The following ZC3H11A variants were observed in gnomAD, a reference collection of about 807,000 sequenced individuals.
ZC3H11A encodes zinc finger CCCH domain-containing protein 11A.
ZC3H11A carries 22 observed loss-of-function variants against 90.8 expected under a neutral mutation model. That is an observed-to-expected ratio of 0.24 (90% CI 0.17 to 0.35). The LOEUF (loss-of-function observed/expected upper bound fraction) is 0.35. Among genes scored for constraint, ZC3H11A ranks in the 10% least tolerant of loss-of-function variants. The pLI, the probability that ZC3H11A is intolerant of heterozygous loss-of-function variation, is 1.00. For synonymous variants in ZC3H11A, 294 were observed against 339.8 expected (o/e 0.87, Z 1.48); for missense variants, 701 against 964.9 (o/e 0.73, Z 3.62).
At position 203,805,487 on chromosome 1, in the gene ZC3H11A, A is replaced by C. The variant is rs1672013036; in HGVS notation, c.-146+2471A>C. ...CCCAAGCAATGAGTCTCAAAGGAAA[A>C]AAATAGAAGAGCAATGTAATTAAAC... On this transcript the variant is annotated intron_variant, in intron 2 of 17. Coordinates refer to ENST00000367210, the MANE Select transcript of ZC3H11A (RefSeq NM_001376342.1). The C allele has an allele frequency of 9.5e-6, 4 of 422,148 alleles. No homozygotes were observed. The Admixed American group carries it at 1.2e-4, about 13-fold the overall frequency. 26.2% of individuals were successfully genotyped at this position (422,148 alleles called of 1,614,324 possible).
chr1:203,800,200 G>A lies in ZC3H11A; in HGVS notation c.-1587-1375G>A, dbSNP rs760880041. ...TTAATTTACTGGCAGAGGAAGATAA[G>A]CATATGGCCGGCTTTGACCCAGGTT... On this transcript the variant is annotated intron_variant, in intron 1 of 17. Transcript: ENST00000367210. 16 of 1,505,502 alleles carry A rather than the reference G, an allele frequency of 1.1e-5. No individual in the cohort carries two copies. The highest frequency in any genetic ancestry group is 1.4e-5 in the Non-Finnish European group (16 of 1,119,134). 93.3% of individuals were successfully genotyped at this position (1,505,502 alleles called of 1,614,324 possible).
At chr1:203,815,219 T>TTCTTTTCTTTTC (rs575430164) in intron 2 of ZC3H11A, among the ~76,000 whole-genome samples, 3 of 129,618 alleles carry the variant, frequency 2.3e-5, no homozygotes, top group Non-Finnish European at 4.9e-5. Context: ...TTCTTTTCTT[T>TTCTTTTCTTTTC]TTTTTTTTTT....
At chr1:203,796,784 A>G (rs1040719906) in intron 1 of ZC3H11A, 20 of 237,440 alleles carry the variant, frequency 8.4e-5, no homozygotes, top group Non-Finnish European at 1.3e-4. Context: ...CTTAATACAA[A>G]CAGTACTTTG....
At chr1:203,843,702 A>G (rs554241669) in intron 12 of ZC3H11A, among the ~76,000 whole-genome samples, 1 of 152,316 alleles carries the variant, frequency 6.6e-6, no homozygotes, top group African/African-American at 2.4e-5. Flanking sequence ...TATGGGCTAT[A>G]TATAGTTTGC....
At position 203,852,050 on chromosome 1, in the gene ZC3H11A, A is replaced by G. The variant is rs1345612500; in HGVS notation, c.2175-91A>G. ...TTCTTTATGTATGTTCTTAAAAACA[A>G]ATTTTTGCTCACTTTGTGTCCGTGA... is the stretch of plus-strand genomic sequence containing the variant. On this transcript the variant is annotated intron_variant, in intron 17 of 17. Coordinates refer to ENST00000367210, the MANE Select transcript of ZC3H11A (RefSeq NM_001376342.1). 3 of 1,463,114 alleles carry G rather than the reference A, an allele frequency of 2.1e-6. No individual in the cohort carries two copies. In the African/African-American group the frequency reaches 4.3e-5, roughly 21 times the overall value. 90.6% of individuals were successfully genotyped at this position (1,463,114 alleles called of 1,614,324 possible).
chr1:203,848,416 A>G lies in ZC3H11A; in HGVS notation c.1623+9A>G, dbSNP rs1481465481. 1 of 1,600,576 alleles carries G rather than the reference A, an allele frequency of 6.2e-7. No individual in the cohort carries two copies. The highest frequency in any genetic ancestry group is 1.7e-5 in the Admixed American group (1 of 57,546). ...GAACAGAAGCTAAAGAGGTAAATTT[A>G]AGATTATTGTATGGTTTTGTTCATG... On this transcript the variant is annotated intron_variant, in intron 14 of 17. Coordinates refer to ENST00000367210, the MANE Select transcript of ZC3H11A (RefSeq NM_001376342.1).
chr1:203,818,207 C>A (rs1677015865), intron 3 of ZC3H11A, among the ~76,000 whole-genome samples: 1 of 151,702 alleles, frequency 6.6e-6, no homozygotes, highest in South Asian at 2.1e-4. Context: ...TATTTAAATT[C>A]TATTTACTTT....
intron 4 of ZC3H11A, among the ~76,000 whole-genome samples, chr1:203,826,445 T>G (rs984232585): frequency 9.2e-5 from 14 of 152,006 alleles, no homozygotes; most frequent in Non-Finnish European, 2.1e-4. Context: ...TGACATAAAC[T>G]TAGAACATAG....
At chr1:203,830,050 C>T (rs1393484146) in intron 7 of ZC3H11A, 73 bp from the exon 8 acceptor site, 7 of 1,354,978 alleles carry the variant, frequency 5.2e-6, no homozygotes, top group Non-Finnish European at 7.3e-6. Flanking sequence ...AAAATAAATG[C>T]CTGCTATGTA....
chr1:203,848,109 C>CA (rs981637098), intron 13 of ZC3H11A, among the ~76,000 whole-genome samples: 7 of 152,186 alleles, frequency 4.6e-5, no homozygotes, highest in Admixed American at 2.6e-4. Flanking sequence ...CTGCTTGCTT[C>CA]AGTCTCCCAA....
At chr1:203,797,847 C>G in intron 1 of ZC3H11A, 1 of 1,536,066 alleles carries the variant, frequency 6.5e-7, no homozygotes, top group East Asian at 2.4e-5. Context: ...TGACCCTGAG[C>G]AGGATGAAGA....
intron 9 of ZC3H11A, among the ~76,000 whole-genome samples, chr1:203,833,385 C>A (rs12076544): frequency 0.14 from 17,472 of 121,928 alleles, 1,310 homozygotes; most frequent in Non-Finnish European, 0.16. Context: ...AAAAAAAAAA[C>A]ACCAGGTGTG....
chr1:203,845,430 A>G (rs888186211), intron 12 of ZC3H11A, among the ~76,000 whole-genome samples: 7 of 152,190 alleles, frequency 4.6e-5, no homozygotes, highest in Non-Finnish European at 8.8e-5. Context: ...TTCCTTTGCA[A>G]TATTACAGGT....
At position 203,837,972 on chromosome 1, in the gene ZC3H11A, A is replaced by G. The variant is rs1171622005; in HGVS notation, c.881A>G (p.Asp294Gly). 1 of 1,612,500 alleles carries G rather than the reference A, an allele frequency of 6.2e-7. No homozygotes were observed. The highest frequency in any genetic ancestry group is 2.2e-5 in the East Asian group (1 of 44,892). Reference protein sequence around the residue: ...LGKRKFSAGGDSDPPLKRSLA... With the variant: ...LGKRKFSAGGGSDPPLKRSLA... ...AAGTTCTCCCTCTTTATAGGCGGTG[A>G]CAGTGATCCTCCATTAAAGCGTAGC... The change falls in exon 11 of 18, where the codon GAC (aspartate) becomes GGC (glycine). Residue 294 changes from aspartate (D) to glycine (G), a missense_variant. Around this residue, in one of 4 missense-constraint regions of ZC3H11A, gnomAD observed 530 missense variants for 696.2 expected, o/e 0.76. Transcript: ENST00000367210.
chr1:203,797,754 A>G (rs2102352511), intron 1 of ZC3H11A: 1 of 1,535,690 alleles, frequency 6.5e-7, no homozygotes, highest in Non-Finnish European at 8.7e-7. Flanking sequence ...GCGTCGAAAA[A>G]AATTGATTCT....
At chr1:203,830,864 G>A (rs547814721) in intron 8 of ZC3H11A, among the ~76,000 whole-genome samples, 12 of 148,162 alleles carry the variant, frequency 8.1e-5, no homozygotes, top group Non-Finnish European at 1.8e-4. Context: ...TTCCTCAAGA[G>A]CTGCTAGGAT....
In ZC3H11A at chr1:203,849,733, T is replaced by C; in HGVS notation, c.1646T>C (p.Val549Ala). The C allele has an allele frequency of 6.2e-7, 1 of 1,613,598 alleles. No homozygotes were observed. The highest frequency in any genetic ancestry group is 1.7e-4 in the Middle Eastern group (1 of 6,056). ...AKEASGETTG[V>A]DITKIQVKRC... ...CAGGCTTCAGGTGAGACCACAGGAG[T>C]TGACATCACTAAAATTCAAGTCAAG... The change falls in exon 15 of 18, where the codon GTT (valine) becomes GCT (alanine). Residue 549 changes from valine (V) to alanine (A), a missense_variant. Val to Ala is a moderately conservative substitution (Grantham distance 64). This residue lies in a region of ZC3H11A where 530 missense variants were observed against 696.2 expected (regional missense o/e 0.76). Coordinates refer to ENST00000367210, the MANE Select transcript of ZC3H11A (RefSeq NM_001376342.1).
intron 3 of ZC3H11A, among the ~76,000 whole-genome samples, chr1:203,818,042 C>A (rs1006417269): frequency 6.6e-6 from 1 of 151,990 alleles, no homozygotes; most frequent in African/African-American, 2.4e-5. Flanking sequence ...CCCCCACGCC[C>A]GGTGATATTA....
At chr1:203,839,191 A>G (rs1572266623) in intron 11 of ZC3H11A, among the ~76,000 whole-genome samples, 1 of 152,298 alleles carries the variant, frequency 6.6e-6, no homozygotes, top group East Asian at 1.9e-4. Context: ...ATCAAGAGAT[A>G]GCTGGGAGTT....
Sources: gnomAD v4.1 joint callset for allele counts (sites outside exome capture counted in the v4.1 genomes callset) on GRCh38, gnomAD v4.1.1 for gene constraint, gnomAD v4.1.1 regional missense constraint, MANE v1.5 for transcripts, NCBI Gene and HGNC (gene_info 2026-07-23, HGNC 2026-07-21) for gene names.